The following HTR3C variants were observed in gnomAD, a reference collection of about 807,000 sequenced individuals.
HTR3C encodes the protein 5-hydroxytryptamine receptor 3C, also known as 5-HT3-C.
Under a neutral mutation model 40.5 loss-of-function variants are expected in HTR3C, and 32 were observed. That is an observed-to-expected ratio of 0.79 (90% CI 0.60 to 1.06). HTR3C has a LOEUF of 1.06. Ranked by LOEUF, HTR3C falls within the 50% of genes least tolerant of loss-of-function variation. HTR3C has a pLI of 0.00. For missense variants in HTR3C, 523 were observed against 556.8 expected, an observed-to-expected ratio of 0.94 and a Z score of 0.61; for synonymous variants, 209 against 217.1, an observed-to-expected ratio of 0.96 and a Z score of 0.33.
At chr3:184,058,609 T>C in intron 6 of HTR3C, 22 bp downstream of exon 6, 1 of 1,601,352 alleles carries the variant, frequency 6.2e-7, no homozygotes, top group Non-Finnish European at 8.5e-7. Context: ...GGCCCCTGTT[T>C]GACTTCTGAT....
Position 184,060,366 on chromosome 3 carries a change from C to T in HTR3C, c.*14C>T. On this transcript the variant is annotated 3_prime_UTR_variant, in exon 9 of 9. Transcript: ENST00000318351. ...TGGAACACCTAGGCAGACATCCCCC[C>T]TCTCTGGCAAACAACAGCTTGGAGT... 3 of 1,614,120 alleles carry T rather than the reference C, an allele frequency of 1.9e-6. No homozygotes were observed. The highest frequency in any genetic ancestry group is 1.7e-5 in the Admixed American group (1 of 60,000).
At position 184,056,172 on chromosome 3, in the gene HTR3C, T is replaced by C. The variant is rs1723320906; in HGVS notation, c.280-5T>C. ...TCACCTCTGTCCCTCACTGCCCTGATGCAGGTATGGGACAATCCTTTCATT... is the reference window on the plus strand; with the variant it reads ...TCACCTCTGTCCCTCACTGCCCTGACGCAGGTATGGGACAATCCTTTCATT... On this transcript the variant is annotated splice_region_variant and splice_polypyrimidine_tract_variant and intron_variant, in intron 3 of 8. Transcript: ENST00000318351. The C allele has an allele frequency of 5.0e-6, 8 of 1,587,550 alleles. No individual in the cohort carries two copies. The highest frequency in any genetic ancestry group is 6.9e-6 in the Non-Finnish European group (8 of 1,155,782).
chr3:184,059,569 T>C lies in HTR3C; in HGVS notation c.854T>C (p.Leu285Pro). 1 of 1,614,086 alleles carries C rather than the reference T, an allele frequency of 6.2e-7. No homozygotes were observed. The highest frequency in any genetic ancestry group is 2.2e-5 in the East Asian group (1 of 44,874). ...AATCGTGCCCCATTCAAGATAACAC[T>C]TCTGCTGGGCTACAACGTCTTCCTG... ...SENRAPFKITLLLGYNVFLLM... is the reference protein window; with the variant it reads ...SENRAPFKITPLLGYNVFLLM... The change falls in exon 7 of 9, where the codon CTT becomes CCT. Residue 285 changes from leucine to proline, a missense_variant. Coordinates refer to ENST00000318351, the MANE Select transcript of HTR3C (RefSeq NM_130770.3).
intron 4 of HTR3C, 40 bp from the exon 5 acceptor site, chr3:184,056,835 C>A (rs1295016815): frequency 2.0e-6 from 3 of 1,535,002 alleles, no homozygotes; most frequent in East Asian, 2.3e-5. Flanking sequence ...GAGACAAGAG[C>A]TGATTAAGCC....
chr3:184,060,397 C>T lies in HTR3C; in HGVS notation c.*45C>T. 6.2e-7 allele frequency: 1 copy of T among 1,611,750 alleles called. No homozygotes were observed. The highest frequency in any genetic ancestry group is 8.5e-7 in the Non-Finnish European group (1 of 1,177,886). The stretch of plus-strand genomic sequence containing the variant: ...GGCAAACAACAGCTTGGAGTTTCTG[C>T]TGGTCTTGGGCCAGCCGGACTCATT... On this transcript the variant is annotated 3_prime_UTR_variant, in exon 9 of 9. Coordinates refer to ENST00000318351, the MANE Select transcript of HTR3C (RefSeq NM_130770.3).
At chr3:184,059,287 T>C (rs1302666894) in intron 6 of HTR3C, 149 bp from the exon 7 acceptor site, 2 of 664,458 alleles carry the variant, frequency 3.0e-6, no homozygotes, top group Admixed American at 5.2e-5. Context: ...GAGGCCCCTA[T>C]GTAGGCGAGC....
At chr3:184,056,520 G>T (rs984590846) in intron 4 of HTR3C, among the ~76,000 whole-genome samples, 12 of 152,320 alleles carry the variant, frequency 7.9e-5, no homozygotes, top group African/African-American at 2.6e-4. Flanking sequence ...GCCGAGGCAG[G>T]TGGATCACCT....
rs925124255 is a variant in HTR3C, at chr3:184,055,185, G to A, written c.235-127G>A. 1.5e-5 allele frequency: 11 copies of A among 732,464 alleles called. No individual in the cohort carries two copies. The Admixed American group carries it at 2.4e-4, about 16-fold the overall frequency. The allele number at this position is 732,464 out of a possible 1,614,324, so 45.4% of individuals were successfully genotyped here. A position where few individuals can be genotyped will look rare whatever the true frequency, so the allele number is the denominator to read the frequency against. On this transcript the variant is annotated intron_variant, in intron 2 of 8. Coordinates refer to ENST00000318351, the MANE Select transcript of HTR3C (RefSeq NM_130770.3). ...CATAGACACAGGGGAAACGAGTGAG[G>A]AAAAGACAATTCAGCATCTACAACA... is the stretch of plus-strand genomic sequence containing the variant.
intron 7 of HTR3C, 36 bp downstream of exon 7, chr3:184,059,676 A>AC: frequency 6.2e-7 from 1 of 1,605,022 alleles, no homozygotes; most frequent in Non-Finnish European, 8.5e-7. Context: ...GAGAAAGGGC[A>AC]CCCGGGGCCA....
rs982901805 is a variant in HTR3C at position 184,055,030 on chromosome 3, T to A, written c.234+143T>A. On this transcript the variant is annotated intron_variant, in intron 2 of 8. Transcript: ENST00000318351. ...TAACGCAAGTTAGATGCTTTTCCTATGCGATGGAGAGGCACGAAGAAGAAT... is the reference window on the plus strand; with the variant it reads ...TAACGCAAGTTAGATGCTTTTCCTAAGCGATGGAGAGGCACGAAGAAGAAT... The A allele has an allele frequency of 4.8e-6, 4 of 826,116 alleles. No individual in the cohort carries two copies. The African/African-American group carries it at 6.9e-5, about 14-fold the overall frequency. 51.2% of individuals were successfully genotyped at this position (826,116 alleles called of 1,614,324 possible). A position where few individuals can be genotyped will look rare whatever the true frequency, so the allele number is the denominator to read the frequency against.
intron 5 of HTR3C, 37 bp from the exon 6 acceptor site, chr3:184,058,390 A>G: frequency 6.5e-7 from 1 of 1,530,020 alleles, no homozygotes; most frequent in Non-Finnish European, 8.7e-7. Flanking sequence ...GAGGCTTGGG[A>G]AAACGTCTGC....
intron 6 of HTR3C, 121 bp downstream of exon 6, chr3:184,058,708 T>A: frequency 1.8e-6 from 2 of 1,088,750 alleles, no homozygotes; most frequent in East Asian, 2.7e-5. Context: ...CTCACACCTG[T>A]AATCCCAGTA....
In HTR3C at chr3:184,053,169, G is replaced by C. The variant is rs1723258269; in HGVS notation, c.67+22G>C. ...CAAGGTAAGATGGGACGAGAACAGGGAAGACCAGAGTGTGGTTCCGAGGGA... is the reference window on the plus strand; with the variant it reads ...CAAGGTAAGATGGGACGAGAACAGGCAAGACCAGAGTGTGGTTCCGAGGGA... On this transcript the variant is annotated intron_variant, in intron 1 of 8. Coordinates refer to ENST00000318351, the MANE Select transcript of HTR3C (RefSeq NM_130770.3). 4.4e-6 allele frequency: 7 copies of C among 1,599,990 alleles called. No individual in the cohort carries two copies. In the East Asian group the frequency reaches 1.6e-4, roughly 36 times the overall value.
intron 3 of HTR3C, 149 bp downstream of exon 3, chr3:184,055,505 G>A: frequency 1.6e-6 from 1 of 620,942 alleles, no homozygotes; most frequent in South Asian, 1.8e-5. Flanking sequence ...CCTGAGGTCA[G>A]GAGTTCGAGA....
chr3:184,059,541 G>C lies in HTR3C; in HGVS notation c.826G>C (p.Glu276Gln). The C allele has an allele frequency of 6.2e-7, 1 of 1,614,134 alleles. No homozygotes were observed. The highest frequency in any genetic ancestry group is 1.1e-5 in the South Asian group (1 of 91,084). The change falls in exon 7 of 9, where the codon GAG becomes CAG. Residue 276 changes from glutamate (E) to glutamine (Q), a missense_variant. By Grantham distance (29) the Glu-to-Gln change is conservative. Coordinates refer to ENST00000318351, the MANE Select transcript of HTR3C (RefSeq NM_130770.3). Reference sequence around the variant, plus strand: ...CAGCTTCTACCTGCCAGCAGAGAGCGAGAATCGTGCCCCATTCAAGATAAC... The same window carrying C: ...CAGCTTCTACCTGCCAGCAGAGAGCCAGAATCGTGCCCCATTCAAGATAAC... ...ALSFYLPAES[E>Q]NRAPFKITLL... is the part of the protein sequence containing the mutation.
intron 5 of HTR3C, among the ~76,000 whole-genome samples, chr3:184,057,392 A>G (rs907727988): frequency 2.4e-4 from 37 of 151,914 alleles, no homozygotes; most frequent in African/African-American, 8.7e-4. Flanking sequence ...GTGAGCTGTG[A>G]TTGCACACTG....
rs1723327311 is a variant in HTR3C, at chr3:184,056,420, T to TA, written c.389+135dup. ...CAACGAACTGACTTCCACACATCACTACGAGTAGAAGAGGCGAGAGAGTGA... is the reference window on the plus strand; with the variant it reads ...CAACGAACTGACTTCCACACATCACTAACGAGTAGAAGAGGCGAGAGAGTGA... On this transcript the variant is annotated intron_variant, in intron 4 of 8. Transcript: ENST00000318351. 3 of 670,438 alleles carry TA rather than the reference T, an allele frequency of 4.5e-6. No individual in the cohort carries two copies. The South Asian group carries it at 5.2e-5, about 12-fold the overall frequency. The allele number at this position is 670,438 out of a possible 1,614,324, so 41.5% of individuals were successfully genotyped here. A position where few individuals can be genotyped will look rare whatever the true frequency, so the allele number is the denominator to read the frequency against.
At chr3:184,053,856 GC>G (rs1320038205) in intron 1 of HTR3C, among the ~76,000 whole-genome samples, 5 of 152,224 alleles carry the variant, frequency 3.3e-5, no homozygotes, top group South Asian at 2.1e-4. Context: ...TCGGGTTTGA[GC>G]GATTCTCCTG....
rs148387058 is a variant in HTR3C, at chr3:184,058,202, A to G, written c.560-225A>G. On this transcript the variant is annotated intron_variant, in intron 5 of 8. Coordinates refer to ENST00000318351, the MANE Select transcript of HTR3C (RefSeq NM_130770.3). ...TTCAGTCATATCCAATATTCCCATA[A>G]CGAACTTGACTCACTCTTGTTTTCA... Among the ~76,000 whole-genome samples, 1,574 of 152,326 alleles carry G rather than the reference A, an allele frequency of 0.01. 8 individuals carry two copies. Among genetic ancestry groups the G allele is most frequent in the Non-Finnish European group, 0.019 (1,269 of 68,022 alleles).
Sources: gnomAD v4.1 joint callset for allele counts (sites outside exome capture counted in the v4.1 genomes callset) on GRCh38, gnomAD v4.1.1 for gene constraint, MANE v1.5 for transcripts, NCBI Gene and HGNC (gene_info 2026-07-23, HGNC 2026-07-21) for gene names.